The following NT5C2 variants were observed in gnomAD, a reference collection of about 807,000 sequenced individuals.
The protein encoded by NT5C2 is 5'-nucleotidase, cytosolic II, also known as cytosolic purine 5'-nucleotidase.
Under a neutral mutation model 76.1 loss-of-function variants are expected in NT5C2, and 58 were observed. That is an observed-to-expected ratio of 0.76 (90% CI 0.62 to 0.95). The LOEUF is 0.95. Among genes scored for constraint, NT5C2 ranks in the 40% least tolerant of loss-of-function variants. The pLI, the probability that NT5C2 is intolerant of heterozygous loss-of-function variation, is 0.00. For missense variants in NT5C2, 478 were observed against 690.3 expected (o/e 0.69, Z 3.45); for synonymous variants, 229 against 237.4 (o/e 0.96, Z 0.32).
chr10:103,147,520 C>T (rs1422907648), intron 3 of NT5C2, among the ~76,000 whole-genome samples: 1 of 152,214 alleles, frequency 6.6e-6, no homozygotes, highest in Non-Finnish European at 1.5e-5. Flanking sequence ...GGTCTCATTA[C>T]TTTTCTACTT....
chr10:103,171,052 G>A (rs905288951), intron 3 of NT5C2, among the ~76,000 whole-genome samples: 4 of 151,844 alleles, frequency 2.6e-5, no homozygotes, highest in South Asian at 4.2e-4. Flanking sequence ...ACTTTAACAC[G>A]CCATACCTAG....
intron 1 of NT5C2, among the ~76,000 whole-genome samples, chr10:103,184,929 C>T (rs2091820875): frequency 6.6e-6 from 1 of 152,168 alleles, no homozygotes; most frequent in South Asian, 2.1e-4. Context: ...CTACATGCTC[C>T]TATCTGTAGT....
intron 4 of NT5C2, among the ~76,000 whole-genome samples, chr10:103,114,360 G>A (rs532108027): frequency 1.3e-5 from 2 of 152,116 alleles, no homozygotes; most frequent in Non-Finnish European, 2.9e-5. Context: ...AGTGAGCTGA[G>A]ATCACGCCAC....
intron 4 of NT5C2, among the ~76,000 whole-genome samples, chr10:103,123,263 C>G (rs2076036794): frequency 6.6e-6 from 1 of 152,150 alleles, no homozygotes; most frequent in Non-Finnish European, 1.5e-5. Flanking sequence ...GCTGGGACTA[C>G]AGGCATGCAC....
intron 10 of NT5C2, chr10:103,098,196 A>G (rs1363703771): frequency 2.4e-6 from 1 of 409,134 alleles, no homozygotes; most frequent in Admixed American, 3.5e-5. Context: ...AAGAGTTCCC[A>G]TATATTCTTC....
At chr10:103,125,178 T>C in intron 4 of NT5C2, 1 of 621,306 alleles carries the variant, frequency 1.6e-6, no homozygotes, top group Non-Finnish European at 2.9e-6. Context: ...ACATCAAATC[T>C]GGGACTCATC....
chr10:103,191,164 G>A (rs2092607483), intron 1 of NT5C2, among the ~76,000 whole-genome samples: 1 of 152,216 alleles, frequency 6.6e-6, no homozygotes, highest in African/African-American at 2.4e-5. Flanking sequence ...GGCCGAGGCG[G>A]GCAGATCACC....
chr10:103,139,535 T>A, intron 3 of NT5C2, 56 bp from the exon 4 acceptor site: 1 of 1,217,778 alleles, frequency 8.2e-7, no homozygotes, highest in Non-Finnish European at 1.2e-6. Context: ...TTCTCAAGTT[T>A]AATAAAGTTA....
At chr10:103,148,533 G>A (rs144491933) in intron 3 of NT5C2, among the ~76,000 whole-genome samples, 1 of 151,882 alleles carries the variant, frequency 6.6e-6, no homozygotes, top group East Asian at 1.9e-4. Flanking sequence ...GAACCCAGGA[G>A]GCAGAGCTTG....
At chr10:103,102,531 CTTT>C (rs775499358) in intron 6 of NT5C2, among the ~76,000 whole-genome samples, 1 of 143,898 alleles carries the variant, frequency 6.9e-6, no homozygotes, top group Admixed American at 7.0e-5. Context: ...TTTCTTTTTT[CTTT>C]TTTTTTTTTT....
At chr10:103,145,949 A>G in intron 3 of NT5C2, 1 of 450,268 alleles carries the variant, frequency 2.2e-6, no homozygotes, top group South Asian at 9.5e-5. Flanking sequence ...CTTAAGTAAC[A>G]TGAACATGCA....
At chr10:103,153,375 T>C (rs2082732964) in intron 3 of NT5C2, 2 of 1,224,654 alleles carry the variant, frequency 1.6e-6, no homozygotes, top group Non-Finnish European at 2.1e-6. Flanking sequence ...TCTTGAGAAC[T>C]GTAGCTCATT....
rs7075048 is a variant in NT5C2, at chr10:103,120,672, C to T, written c.176-13966G>A. On this transcript the variant is annotated intron_variant, in intron 4 of 18. Transcript: ENST00000404739. ...CAAGATGTGAAGAAACTGGAACTCT[C>T]ATTCATGTATTGCTGGTGGGGATGT... Among the ~76,000 whole-genome samples, 1,000 of 152,332 alleles carry T rather than the reference C, an allele frequency of 6.6e-3. 8 individuals are homozygous for T. Among genetic ancestry groups the T allele is most frequent in the African/African-American group, 0.023 (974 of 41,570 alleles).
At chr10:103,175,820 C>T (rs1686782515) in intron 2 of NT5C2, 1 of 183,600 alleles carries the variant, frequency 5.4e-6, no homozygotes, top group African/African-American at 2.4e-5. Flanking sequence ...CTCAAGAAGT[C>T]TTTCAAATTC....
intron 3 of NT5C2, among the ~76,000 whole-genome samples, chr10:103,169,710 A>G (rs2134480571): frequency 6.6e-6 from 1 of 152,146 alleles, no homozygotes; most frequent in South Asian, 2.1e-4. Flanking sequence ...GCTGGGAGTG[A>G]TGGCTCACAT....
chr10:103,178,240 A>T (rs906897502), intron 2 of NT5C2, among the ~76,000 whole-genome samples: 1 of 152,212 alleles, frequency 6.6e-6, no homozygotes, highest in Non-Finnish European at 1.5e-5. Flanking sequence ...TAAACGTAAT[A>T]TCTAAAACTA....
chr10:103,174,759 G>A (rs1055586151), intron 3 of NT5C2, 99 bp downstream of exon 3: 1 of 825,112 alleles, frequency 1.2e-6, no homozygotes, highest in East Asian at 2.4e-5. Flanking sequence ...TACGATCTGG[G>A]TTATTTACTT....
chr10:103,130,694 C>CA (rs1285642180), intron 4 of NT5C2, among the ~76,000 whole-genome samples: 5 of 151,630 alleles, frequency 3.3e-5, no homozygotes, highest in Non-Finnish European at 7.4e-5. Context: ...CCCTCTTCCT[C>CA]ATTCATTAGT....
Position 103,105,792 on chromosome 10 carries a change from G to A in NT5C2, c.303C>T (p.Val101=). Residue 101 remains valine, a synonymous_variant, in exon 6 of 19, where the codon GTC becomes GTT. Transcript: ENST00000404739. The part of the protein sequence containing the change: ...YDSTFPTRGL[V]FDTLYGNLLK... The stretch of plus-strand genomic sequence containing the variant: ...AAAGATTTCCATACAGTGTGTCAAA[G>A]ACAAGTCCCCTATGTGAAAATGAAG... The A allele has an allele frequency of 6.2e-7, 1 of 1,610,648 alleles. No homozygotes were observed. Among genetic ancestry groups the A allele is most frequent in the Non-Finnish European group, 8.5e-7 (1 of 1,177,192 alleles).
Sources: allele counts gnomAD v4.1 joint callset (sites outside exome capture counted in the v4.1 genomes callset), GRCh38; gene constraint gnomAD v4.1.1; transcripts MANE v1.5; gene names NCBI Gene and HGNC (gene_info 2026-07-23, HGNC 2026-07-21).